MAP2K5: variants seen among roughly 807,000 people sequenced by gnomAD.
MAP2K5 encodes dual specificity mitogen-activated protein kinase kinase 5.
In MAP2K5, 49 loss-of-function variants were observed where a neutral mutation model predicts 83.1. That is an observed-to-expected ratio of 0.59 (90% confidence interval 0.47 to 0.75). MAP2K5 has a LOEUF of 0.75. MAP2K5 is among the 30% of genes least tolerant of loss of function. MAP2K5 has a pLI of 0.00. For synonymous variants in MAP2K5, 202 were observed against 191.8 expected (o/e 1.05, Z -0.44); for missense variants, 457 against 557.5 (o/e 0.82, Z 1.82).
At chr15:67,609,986 T>C (rs567223613) in intron 8 of MAP2K5, among the ~76,000 whole-genome samples, 40 of 152,158 alleles carry the variant, frequency 2.6e-4, no homozygotes, top group Admixed American at 3.9e-4. Context: ...AAATCCTTGC[T>C]AAGAAGGTAT....
At chr15:67,653,625 C>T (rs752849475) in intron 11 of MAP2K5, among the ~76,000 whole-genome samples, 32 of 151,984 alleles carry the variant, frequency 2.1e-4, no homozygotes, top group Non-Finnish European at 4.1e-4. Flanking sequence ...AAAATGAAAC[C>T]GACTTTTGGT....
chr15:67,688,781 A>G (rs2088023646), intron 13 of MAP2K5, among the ~76,000 whole-genome samples: 1 of 152,222 alleles, frequency 6.6e-6, no homozygotes, highest in Admixed American at 6.5e-5. Flanking sequence ...TCACATGCCA[A>G]GGCCAAAGTC....
rs191109395 is a variant in MAP2K5, at chr15:67,554,343, G to A, written c.184+4261G>A. Among the ~76,000 whole-genome samples the A allele has an allele frequency of 1.4e-3, 207 of 152,306 alleles. 1 individual carries two copies. The highest frequency in any genetic ancestry group is 2.4e-3 in the Non-Finnish European group (164 of 68,022). ...CAAAGTGTTGGGATTACAGGTGTGAGCCACCGCACCTGGCCTTATAGTAAT... is the reference window on the plus strand; with the variant it reads ...CAAAGTGTTGGGATTACAGGTGTGAACCACCGCACCTGGCCTTATAGTAAT... On this transcript the variant is annotated intron_variant, in intron 2 of 21. Coordinates refer to ENST00000178640, the MANE Select transcript of MAP2K5 (RefSeq NM_145160.3).
chr15:67,597,507 G>A (rs2085553619), intron 7 of MAP2K5, among the ~76,000 whole-genome samples: 1 of 152,050 alleles, frequency 6.6e-6, no homozygotes, highest in African/African-American at 2.4e-5. Context: ...TTAGAATGCT[G>A]TAAATTTCTG....
chr15:67,612,742 T>G (rs1251342570), intron 8 of MAP2K5, among the ~76,000 whole-genome samples: 3 of 152,162 alleles, frequency 2.0e-5, no homozygotes, highest in African/African-American at 4.8e-5. Context: ...CTTTGCAGAA[T>G]GGTAGCTGCA....
In MAP2K5 at chr15:67,776,078, T is replaced by C. The variant is rs191274733; in HGVS notation, c.1242+3326T>C. ...CCCTCATCCTTGGGAAAGGTGTGAC[T>C]TTCAATTCTTTAAGAGCCTATTGCA... On this transcript the variant is annotated intron_variant, in intron 21 of 21. Coordinates refer to ENST00000178640, the MANE Select transcript of MAP2K5 (RefSeq NM_145160.3). Among the ~76,000 whole-genome samples the C allele has an allele frequency of 2.0e-3, 312 of 152,302 alleles. 6 individuals are homozygous for C. Among genetic ancestry groups the C allele is most frequent in the Admixed American group, 0.02 (299 of 15,296 alleles).
Position 67,644,923 on chromosome 15 carries a change from C to T in MAP2K5, c.586-1308C>T, listed in dbSNP as rs563015386. On this transcript the variant is annotated intron_variant, in intron 9 of 21. Transcript: ENST00000178640. This position sits in a 1 kb window ranked among gnomAD's most constrained non-coding sequence, Gnocchi z 4.6. ...CAGAACTTTGGGAGGCTGAGGTGAGCGGATCATTGAGGTCAGGAGTTCAAG... is the reference window on the plus strand; with the variant it reads ...CAGAACTTTGGGAGGCTGAGGTGAGTGGATCATTGAGGTCAGGAGTTCAAG... 9.5e-4 allele frequency among the ~76,000 whole-genome samples: 145 copies of T among 152,078 alleles called. No homozygotes were observed. The highest frequency in any genetic ancestry group is 1.5e-3 in the Non-Finnish European group (101 of 67,980).
At chr15:67,547,901 G>A (rs2084429166) in intron 1 of MAP2K5, among the ~76,000 whole-genome samples, 1 of 152,184 alleles carries the variant, frequency 6.6e-6, no homozygotes, top group Non-Finnish European at 1.5e-5. Context: ...ATGACTAGTA[G>A]ATATTACTGA....
At chr15:67,743,540 T>C (rs76628078) in intron 17 of MAP2K5, among the ~76,000 whole-genome samples, 17,704 of 152,280 alleles carry the variant, frequency 0.12, 1,153 homozygotes, top group African/African-American at 0.13. Flanking sequence ...GAGTAAATTT[T>C]GTTCTCTTCC....
intron 21 of MAP2K5, among the ~76,000 whole-genome samples, chr15:67,800,891 A>T (rs978717310): frequency 6.6e-6 from 1 of 152,220 alleles, no homozygotes; most frequent in Non-Finnish European, 1.5e-5. Flanking sequence ...CAGATCTAAT[A>T]AGCGGACTCT....
chr15:67,574,812 A>G (rs555594222), intron 3 of MAP2K5, among the ~76,000 whole-genome samples: 1 of 152,128 alleles, frequency 6.6e-6, no homozygotes, highest in Non-Finnish European at 1.5e-5. Flanking sequence ...TGTTGCACTG[A>G]GCCGAGATCG....
Position 67,642,498 on chromosome 15 carries a change from G to A in MAP2K5, c.586-3733G>A, listed in dbSNP as rs750468711. 3 of 1,510,192 alleles carry A rather than the reference G, an allele frequency of 2.0e-6. No individual in the cohort carries two copies. The South Asian group carries it at 3.4e-5, about 17-fold the overall frequency. The allele number at this position is 1,510,192 out of a possible 1,614,324, so 93.5% of individuals were successfully genotyped here. A position where few individuals can be genotyped will look rare whatever the true frequency, so the allele number is the denominator to read the frequency against. Reference sequence around the variant, plus strand: ...ATGAATTTTGATGGAGGACTTTGAGGTGAGCTTCATGGAGACAATGGTGGC... The same window carrying A: ...ATGAATTTTGATGGAGGACTTTGAGATGAGCTTCATGGAGACAATGGTGGC... On this transcript the variant is annotated intron_variant, in intron 9 of 21. Coordinates refer to ENST00000178640, the MANE Select transcript of MAP2K5 (RefSeq NM_145160.3).
rs1211175187 is a variant in MAP2K5 at position 67,783,522 on chromosome 15, G to A, written c.1242+10770G>A. On this transcript the variant is annotated intron_variant, in intron 21 of 21. Transcript: ENST00000178640. The surrounding 1 kb of genome is among the most constrained non-coding windows in gnomAD (Gnocchi z 5.1). Reference sequence around the variant, plus strand: ...TTGCTAAGCGTGCTTCAGTTGGGTTGAGGACTTCCTTTTGCCTGTCACCCT... The same window carrying A: ...TTGCTAAGCGTGCTTCAGTTGGGTTAAGGACTTCCTTTTGCCTGTCACCCT... Among the ~76,000 whole-genome samples, 2 of 152,186 alleles carry A rather than the reference G, an allele frequency of 1.3e-5. No individual in the cohort carries two copies. Among genetic ancestry groups the A allele is most frequent in the Non-Finnish European group, 2.9e-5 (2 of 68,038 alleles).
At chr15:67,795,713 A>G (rs1056191058) in intron 21 of MAP2K5, among the ~76,000 whole-genome samples, 1 of 152,204 alleles carries the variant, frequency 6.6e-6, no homozygotes, top group Non-Finnish European at 1.5e-5. Flanking sequence ...GCAATGTCCT[A>G]TAGACATCCT....
chr15:67,582,059 CTT>C (rs944586636), intron 4 of MAP2K5, among the ~76,000 whole-genome samples: 7 of 122,728 alleles, frequency 5.7e-5, no homozygotes, highest in African/African-American at 1.2e-4. Context: ...TAGATGATTT[CTT>C]TTTTTTTTTT....
rs533069383 is a variant in MAP2K5, at chr15:67,764,769, C to T, written c.1135-4833C>T. 6.6e-6 allele frequency among the ~76,000 whole-genome samples: 1 copy of T among 152,270 alleles called. No individual in the cohort carries two copies. The highest frequency in any genetic ancestry group is 1.9e-4 in the East Asian group (1 of 5,188). On this transcript the variant is annotated intron_variant, in intron 19 of 21. Coordinates refer to ENST00000178640, the MANE Select transcript of MAP2K5 (RefSeq NM_145160.3). This position sits in a 1 kb window ranked among gnomAD's most constrained non-coding sequence, Gnocchi z 4.9. ...CATTATTGTCAGGTCCCCCTGTCAC[C>T]TTTAATTATGAATTATAGGCAAAAA... is the stretch of plus-strand genomic sequence containing the variant.
At chr15:67,605,695 G>A (rs2085763771) in intron 8 of MAP2K5, among the ~76,000 whole-genome samples, 2 of 152,044 alleles carry the variant, frequency 1.3e-5, no homozygotes, top group African/African-American at 4.8e-5. Context: ...CTTCCCCCAG[G>A]CAGTGTTGTC....
chr15:67,594,468 C>G (rs1468495579), intron 7 of MAP2K5, among the ~76,000 whole-genome samples: 1 of 152,178 alleles, frequency 6.6e-6, no homozygotes, highest in Non-Finnish European at 1.5e-5. Context: ...GAAGCTTTAA[C>G]TACATTTGTC....
At chr15:67,716,071 C>A (rs945660331) in intron 16 of MAP2K5, among the ~76,000 whole-genome samples, 1 of 152,142 alleles carries the variant, frequency 6.6e-6, no homozygotes, top group African/African-American at 2.4e-5. Flanking sequence ...ATGTGGCAGG[C>A]CCTGTGCTAG....
Sources: gnomAD v4.1 joint callset for allele counts (sites outside exome capture counted in the v4.1 genomes callset) on GRCh38, gnomAD v4.1.1 for gene constraint, Gnocchi (gnomAD v3.1) non-coding constraint, MANE v1.5 for transcripts, NCBI Gene and HGNC (gene_info 2026-07-23, HGNC 2026-07-21) for gene names.